The following CACNA2D3 variants were observed in gnomAD, a reference collection of about 807,000 sequenced individuals.
The protein encoded by CACNA2D3 is voltage-dependent calcium channel subunit alpha-2/delta-3.
A neutral mutation model predicts 160.6 loss-of-function variants in CACNA2D3; 60 were observed. The ratio of observed to expected loss-of-function variants is 0.37; its 90% CI spans 0.30 to 0.46. The LOEUF is 0.46. Among genes scored for constraint, CACNA2D3 ranks in the 20% least tolerant of loss-of-function variants. The pLI, the probability that CACNA2D3 is intolerant of heterozygous loss-of-function variation, is 1.00. For synonymous variants in CACNA2D3, 558 were observed against 492.9 expected, an observed-to-expected ratio of 1.13 and a Z score of -1.75; for missense variants, 1,205 against 1,365.0, an observed-to-expected ratio of 0.88 and a Z score of 1.85.
intron 11 of CACNA2D3, among the ~76,000 whole-genome samples, chr3:54,723,310 G>A (rs149600667): frequency 0.026 from 1,879 of 72,414 alleles, 37 homozygotes; most frequent in African/African-American, 0.094. Context: ...TCAAGCCAGT[G>A]GATCTTAGTT....
At chr3:54,449,711 C>T (rs1385179155) in intron 4 of CACNA2D3, among the ~76,000 whole-genome samples, 1 of 152,170 alleles carries the variant, frequency 6.6e-6, no homozygotes, top group Admixed American at 6.5e-5. Flanking sequence ...TTTGTCCCTG[C>T]TCTGCCATGT....
chr3:54,198,872 G>C (rs1023039234), intron 2 of CACNA2D3, among the ~76,000 whole-genome samples: 1 of 152,372 alleles, frequency 6.6e-6, no homozygotes, highest in Non-Finnish European at 1.5e-5. Context: ...GGATTTTTCT[G>C]TGCTGAGTGA....
chr3:54,896,631 C>G, intron 25 of CACNA2D3, 118 bp from the exon 26 acceptor site: 1 of 1,198,830 alleles, frequency 8.3e-7, no homozygotes, highest in Admixed American at 1.8e-5. Flanking sequence ...CTGAGAAAGG[C>G]AAGTTGGGGT....
intron 27 of CACNA2D3, among the ~76,000 whole-genome samples, chr3:54,903,391 C>CT (rs1310848061): frequency 6.6e-6 from 1 of 152,138 alleles, no homozygotes; most frequent in Non-Finnish European, 1.5e-5. Context: ...TGATCTCATT[C>CT]TTTTTTTATG....
Position 54,443,707 on chromosome 3 carries a change from A to G in CACNA2D3, c.381+56933A>G, listed in dbSNP as rs1025094177. 1.6e-4 allele frequency among the ~76,000 whole-genome samples: 24 copies of G among 152,158 alleles called. 1 individual carries two copies. The highest frequency in any genetic ancestry group is 2.8e-4 in the Non-Finnish European group (19 of 68,024). ...GCATTCCTTCCTCACTGGGTCGGCTACATTGTGTTCAGCCTTCACATTCGT... is the reference window on the plus strand; with the variant it reads ...GCATTCCTTCCTCACTGGGTCGGCTGCATTGTGTTCAGCCTTCACATTCGT... On this transcript the variant is annotated intron_variant, in intron 4 of 37. Coordinates refer to ENST00000474759, the MANE Select transcript of CACNA2D3 (RefSeq NM_018398.3).
rs182885497 is a variant in CACNA2D3, at chr3:54,550,469, C to A, written c.545-12331C>A. Reference sequence around the variant, plus strand: ...GAAAGCACCCCCTGGAGGTTTCACACCCCCAAATGTGGGCGGTCAAGGATA... The same window carrying A: ...GAAAGCACCCCCTGGAGGTTTCACAACCCCAAATGTGGGCGGTCAAGGATA... On this transcript the variant is annotated intron_variant, in intron 5 of 37. Transcript: ENST00000474759. 3.9e-5 allele frequency among the ~76,000 whole-genome samples: 6 copies of A among 152,194 alleles called. No homozygotes were observed. The East Asian group carries it at 1.2e-3, about 29-fold the overall frequency.
intron 3 of CACNA2D3, among the ~76,000 whole-genome samples, chr3:54,360,449 T>A (rs569722804): frequency 6.6e-6 from 1 of 152,316 alleles, no homozygotes; most frequent in African/African-American, 2.4e-5. Flanking sequence ...CTCTGAACAT[T>A]GCAGAGAACT....
intron 17 of CACNA2D3, among the ~76,000 whole-genome samples, chr3:54,849,378 C>A (rs534751023): frequency 8.7e-4 from 132 of 152,284 alleles, no homozygotes; most frequent in African/African-American, 2.9e-3. Flanking sequence ...TCCCTGCTTT[C>A]CCCCTCCTCC....
chr3:54,868,182 CTT>C (rs879291210), intron 17 of CACNA2D3, among the ~76,000 whole-genome samples: 14 of 152,214 alleles, frequency 9.2e-5, no homozygotes, highest in Non-Finnish European at 1.5e-4. Flanking sequence ...AGCCCACTGA[CTT>C]TTCCTTTTCT....
chr3:54,730,879 A>G (rs1358211940), intron 11 of CACNA2D3, among the ~76,000 whole-genome samples: 1 of 152,230 alleles, frequency 6.6e-6, no homozygotes, highest in East Asian at 1.9e-4. Flanking sequence ...GTGTTGCTGC[A>G]TTACCGAAAC....
chr3:54,443,089 T>C (rs781420257), intron 4 of CACNA2D3, among the ~76,000 whole-genome samples: 2 of 152,172 alleles, frequency 1.3e-5, no homozygotes, highest in African/African-American at 4.8e-5. Flanking sequence ...TGGCTCACAG[T>C]AGGTGCTGAA....
chr3:54,480,392 A>AC (rs1700913506), intron 4 of CACNA2D3, among the ~76,000 whole-genome samples: 1 of 151,300 alleles, frequency 6.6e-6, no homozygotes, highest in South Asian at 2.1e-4. Context: ...CTCACCCTAC[A>AC]CCCCACAGTC....
intron 9 of CACNA2D3, among the ~76,000 whole-genome samples, chr3:54,599,923 G>A (rs955545204): frequency 6.6e-6 from 1 of 152,218 alleles, no homozygotes; most frequent in Non-Finnish European, 1.5e-5. Flanking sequence ...TGTGATCCCT[G>A]AGCCTGGGGA....
chr3:54,900,306 C>T (rs993096749), intron 27 of CACNA2D3, among the ~76,000 whole-genome samples: 2 of 152,190 alleles, frequency 1.3e-5, no homozygotes, highest in Non-Finnish European at 2.9e-5. Context: ...TCCCCCTAAT[C>T]CCCCTGGGGA....
At chr3:54,963,818 G>T (rs1458300115) in intron 27 of CACNA2D3, among the ~76,000 whole-genome samples, 1 of 152,126 alleles carries the variant, frequency 6.6e-6, no homozygotes, top group Non-Finnish European at 1.5e-5. Flanking sequence ...GCACATACTG[G>T]GTTTCTGATA....
intron 14 of CACNA2D3, among the ~76,000 whole-genome samples, chr3:54,819,673 C>T (rs567516184): frequency 6.1e-4 from 93 of 152,210 alleles, no homozygotes; most frequent in Admixed American, 1.6e-3. Flanking sequence ...GGTGAAACCA[C>T]GTCTCTTCTA....
intron 2 of CACNA2D3, among the ~76,000 whole-genome samples, chr3:54,289,144 A>T (rs1028547013): frequency 2.0e-5 from 3 of 152,216 alleles, no homozygotes; most frequent in Admixed American, 6.5e-5. Flanking sequence ...ACATGATTGT[A>T]TATCTAGAAA....
chr3:54,837,118 C>A, intron 14 of CACNA2D3, 41 bp from the exon 15 acceptor site: 3 of 1,592,402 alleles, frequency 1.9e-6, no homozygotes, highest in Non-Finnish European at 2.6e-6. Flanking sequence ...ACTGTGGTTT[C>A]CAGACCGTTC....
At chr3:55,040,331 A>G (rs1487615864) in intron 35 of CACNA2D3, among the ~76,000 whole-genome samples, 1 of 152,198 alleles carries the variant, frequency 6.6e-6, no homozygotes, top group Non-Finnish European at 1.5e-5. Context: ...TTTCTCTTAC[A>G]CTAAAAATCT....
Sources: allele counts gnomAD v4.1 joint callset (sites outside exome capture counted in the v4.1 genomes callset), GRCh38; gene constraint gnomAD v4.1.1; transcripts MANE v1.5; gene names NCBI Gene and HGNC (gene_info 2026-07-23, HGNC 2026-07-21).